The following PPP1R9A variants were observed in gnomAD, a reference collection of about 807,000 sequenced individuals.
PPP1R9A encodes the protein protein phosphatase 1 regulatory subunit 9A.
In PPP1R9A, 59 loss-of-function variants were observed where a neutral mutation model predicts 141.9. The ratio of observed to expected loss-of-function variants is 0.42; its 90% CI spans 0.34 to 0.52. The LOEUF (loss-of-function observed/expected upper bound fraction) is 0.52. Ranked by LOEUF, PPP1R9A falls within the 20% of genes least tolerant of loss-of-function variation. The pLI, the probability that PPP1R9A is intolerant of heterozygous loss-of-function variation, is 0.10. For missense variants in PPP1R9A, 1,444 were observed against 1,611.9 expected, an observed-to-expected ratio of 0.90 and a Z score of 1.78; for synonymous variants, 500 against 569.7, an observed-to-expected ratio of 0.88 and a Z score of 1.74.
intron 12 of PPP1R9A, among the ~76,000 whole-genome samples, chr7:95,265,486 A>G (rs981047703): frequency 2.0e-5 from 3 of 152,168 alleles, no homozygotes; most frequent in Non-Finnish European, 4.4e-5. Flanking sequence ...AAAAGATAGC[A>G]TGTGATGGTC....
intron 2 of PPP1R9A, among the ~76,000 whole-genome samples, chr7:95,034,239 C>T (rs904202227): frequency 1.6e-4 from 25 of 151,840 alleles, no homozygotes; most frequent in Admixed American, 5.2e-4. Context: ...GCTGTAGTCC[C>T]ATTTAGCAAG....
At chr7:95,268,470 G>T in intron 12 of PPP1R9A, 80 bp from the exon 13 acceptor site, 1 of 1,510,382 alleles carries the variant, frequency 6.6e-7, no homozygotes, top group South Asian at 1.2e-5. Flanking sequence ...TGGTTACCTT[G>T]AGATTTTATC....
chr7:95,227,853 C>T (rs1434497757), intron 8 of PPP1R9A, among the ~76,000 whole-genome samples: 1 of 152,158 alleles, frequency 6.6e-6, no homozygotes, highest in Admixed American at 6.5e-5. Context: ...AATATCACAT[C>T]GTTCCACTTA....
At chr7:95,208,881 A>G (rs1451189851) in intron 7 of PPP1R9A, among the ~76,000 whole-genome samples, 2 of 150,856 alleles carry the variant, frequency 1.3e-5, no homozygotes, top group Non-Finnish European at 2.9e-5. Context: ...AATACACACA[A>G]TATTATTCCA....
At chr7:95,117,377 C>A (rs1042104070) in intron 3 of PPP1R9A, among the ~76,000 whole-genome samples, 9 of 152,230 alleles carry the variant, frequency 5.9e-5, no homozygotes, top group African/African-American at 2.2e-4. Flanking sequence ...GAACATCAGT[C>A]TTCTGGTCTC....
chr7:95,139,810 T>TAAAAAAAAAAAAAAAAAAA (rs1177269547), intron 4 of PPP1R9A, among the ~76,000 whole-genome samples: 1 of 95,336 alleles, frequency 1.0e-5, no homozygotes. Context: ...AGCAAAACAT[T>TAAAAAAAAAAAAAAAAAAA]AAAAAAAAAA....
chr7:95,005,010 G>A (rs854732), intron 2 of PPP1R9A, among the ~76,000 whole-genome samples: 80,978 of 151,906 alleles, frequency 0.53, 22,173 homozygotes, highest in African/African-American at 0.6. Context: ...AGATAATGGA[G>A]GTAATTTTTC....
At chr7:95,185,416 T>G (rs1834507357) in intron 5 of PPP1R9A, among the ~76,000 whole-genome samples, 1 of 152,006 alleles carries the variant, frequency 6.6e-6, no homozygotes, top group Non-Finnish European at 1.5e-5. Flanking sequence ...TCTCTATAGA[T>G]TCTGGGTATT....
At chr7:95,272,335 A>G (rs1295413989) in intron 14 of PPP1R9A, among the ~76,000 whole-genome samples, 5 of 152,196 alleles carry the variant, frequency 3.3e-5, no homozygotes, top group African/African-American at 1.2e-4. Context: ...GAAAATTTAA[A>G]TCTTGCTTTT....
At chr7:94,986,285 A>C (rs1800823055) in intron 2 of PPP1R9A, among the ~76,000 whole-genome samples, 1 of 152,194 alleles carries the variant, frequency 6.6e-6, no homozygotes, top group Admixed American at 6.5e-5. Context: ...AAAATTATTA[A>C]AATTATTGTT....
intron 2 of PPP1R9A, among the ~76,000 whole-genome samples, chr7:94,914,809 A>G (rs1159499733): frequency 6.6e-6 from 1 of 152,172 alleles, no homozygotes; most frequent in Admixed American, 6.5e-5. Flanking sequence ...AAATATAACA[A>G]ATACAACAAA....
intron 2 of PPP1R9A, chr7:95,018,381 A>T: frequency 5.4e-6 from 1 of 186,106 alleles, no homozygotes. Context: ...CTTGTGTATC[A>T]CTAGAAAATG....
chr7:95,188,134 G>C (rs760767227), intron 5 of PPP1R9A, among the ~76,000 whole-genome samples: 1 of 152,034 alleles, frequency 6.6e-6, no homozygotes, highest in Non-Finnish European at 1.5e-5. Flanking sequence ...CTTATATCTA[G>C]TAATAATTGT....
At chr7:95,159,941 AAG>A (rs1423594327) in intron 4 of PPP1R9A, among the ~76,000 whole-genome samples, 39 of 146,562 alleles carry the variant, frequency 2.7e-4, no homozygotes, top group East Asian at 2.4e-3. Context: ...AAAAAAAAAA[AAG>A]AAAGAAAGAA....
chr7:94,949,962 A>AT (rs1378648147), intron 2 of PPP1R9A, among the ~76,000 whole-genome samples: 4 of 30,892 alleles, frequency 1.3e-4, no homozygotes, highest in African/African-American at 5.7e-4. Flanking sequence ...TGCTTTTCTT[A>AT]TTTTTTCAGA....
rs1806536015 is a variant in PPP1R9A, at chr7:95,292,691, A to G, written c.*2388A>G. ...TAAGTATTTTGATTTTTTAAGTTAA[A>G]TTATAGTAATTTTAGGCCGAAGTGA... On this transcript the variant is annotated 3_prime_UTR_variant, in exon 20 of 20. Coordinates refer to ENST00000433360, the MANE Select transcript of PPP1R9A (RefSeq NM_001166160.2). The G allele has an allele frequency of 6.6e-6, 1 of 152,210 alleles. No homozygotes were observed. The highest frequency in any genetic ancestry group is 6.5e-5 in the Admixed American group (1 of 15,268). The allele number at this position is 152,210 out of a possible 1,614,324, so 9.4% of individuals were successfully genotyped here. A position where few individuals can be genotyped will look rare whatever the true frequency, so the allele number is the denominator to read the frequency against.
chr7:95,077,263 G>A lies in PPP1R9A; in HGVS notation c.1396-33996G>A, dbSNP rs1037583954. Among the ~76,000 whole-genome samples the A allele has an allele frequency of 3.3e-5, 5 of 151,980 alleles. No individual in the cohort carries two copies. The East Asian group carries it at 9.7e-4, about 29-fold the overall frequency. Reference sequence around the variant, plus strand: ...TTCTGGTTTTCGCTTTGTGGTCTGTGTCTTTGTTACTTTCACTTAAGTAGT... The same window carrying A: ...TTCTGGTTTTCGCTTTGTGGTCTGTATCTTTGTTACTTTCACTTAAGTAGT... On this transcript the variant is annotated intron_variant, in intron 2 of 19. Transcript: ENST00000433360.
chr7:95,282,364 G>C (rs1220369117), intron 16 of PPP1R9A, among the ~76,000 whole-genome samples: 1 of 152,072 alleles, frequency 6.6e-6, no homozygotes, highest in Non-Finnish European at 1.5e-5. Flanking sequence ...AATTGTGGGT[G>C]CATAGATAGT....
intron 2 of PPP1R9A, among the ~76,000 whole-genome samples, chr7:95,060,809 A>G (rs1235230538): frequency 6.6e-6 from 1 of 152,224 alleles, no homozygotes; most frequent in Non-Finnish European, 1.5e-5. Flanking sequence ...AGATTTTAAT[A>G]AAATATGCTT....
Sources: allele counts gnomAD v4.1 joint callset (sites outside exome capture counted in the v4.1 genomes callset), GRCh38; gene constraint gnomAD v4.1.1; transcripts MANE v1.5; gene names NCBI Gene and HGNC (gene_info 2026-07-23, HGNC 2026-07-21).